Variants in SLC2A9 observed in about 807,000 individuals in gnomAD.
SLC2A9 encodes solute carrier family 2, facilitated glucose transporter member 9.
Under a neutral mutation model 50.6 loss-of-function variants are expected in SLC2A9, and 39 were observed. That is an observed-to-expected ratio of 0.77 (90% CI 0.60 to 1.01). The LOEUF is 1.01. Ranked by LOEUF, SLC2A9 falls within the 50% of genes least tolerant of loss-of-function variation. SLC2A9 has a pLI of 0.00. For synonymous variants in SLC2A9, 324 were observed against 276.9 expected, an observed-to-expected ratio of 1.17 and a Z score of -1.69; for missense variants, 686 against 677.6, an observed-to-expected ratio of 1.01 and a Z score of -0.14.
chr4:9,971,308 T>C (rs920704797), intron 5 of SLC2A9, among the ~76,000 whole-genome samples: 4 of 152,228 alleles, frequency 2.6e-5, no homozygotes, highest in Non-Finnish European at 5.9e-5. Flanking sequence ...CAAGCTGAGA[T>C]TGTCATATTA....
chr4:9,775,235 A>T (rs895999230), downstream of SLC2A9, among the ~76,000 whole-genome samples: 3 of 152,074 alleles, frequency 2.0e-5, no homozygotes, highest in Non-Finnish European at 4.4e-5. Flanking sequence ...CATGACCCTC[A>T]CTTCTCACAG....
chr4:10,023,285 A>G (rs1260483326), upstream of SLC2A9, among the ~76,000 whole-genome samples: 1 of 152,110 alleles, frequency 6.6e-6, no homozygotes, highest in African/African-American at 2.4e-5. Flanking sequence ...AGTACAGGAG[A>G]TGGGCAGAGG....
intron 5 of SLC2A9, among the ~76,000 whole-genome samples, chr4:9,945,291 A>T (rs1044932812): frequency 6.6e-6 from 1 of 152,242 alleles, no homozygotes; most frequent in Non-Finnish European, 1.5e-5. Flanking sequence ...TAAAATGGGG[A>T]CAGTGACAAC....
intron 9 of SLC2A9, among the ~76,000 whole-genome samples, chr4:9,889,533 TC>T (rs1736957816): frequency 6.6e-6 from 1 of 152,174 alleles, no homozygotes; most frequent in Admixed American, 6.5e-5. Flanking sequence ...AGGAACTGCA[TC>T]TGCCAGCACA....
intron 10 of SLC2A9, among the ~76,000 whole-genome samples, chr4:9,866,673 C>T (rs1732529979): frequency 6.6e-6 from 1 of 152,174 alleles, no homozygotes; most frequent in African/African-American, 2.4e-5. Context: ...GCCATTACTC[C>T]TCCTAAGGCA....
At chr4:9,952,415 T>C (rs1426746169) in intron 5 of SLC2A9, among the ~76,000 whole-genome samples, 1 of 152,160 alleles carries the variant, frequency 6.6e-6, no homozygotes, top group African/African-American at 2.4e-5. Flanking sequence ...GTGATGTGCC[T>C]GCTCCTGGAG....
chr4:9,977,535 C>T (rs75964023), intron 5 of SLC2A9, among the ~76,000 whole-genome samples: 9,127 of 148,274 alleles, frequency 0.062, 753 homozygotes, highest in East Asian at 0.45. Flanking sequence ...GTCTCTCCCT[C>T]TCCCTCTCCC....
chr4:9,789,991 C>T (rs562488078), intron 3 of SLC2A9, among the ~76,000 whole-genome samples: 1 of 152,334 alleles, frequency 6.6e-6, no homozygotes, highest in South Asian at 2.1e-4. Flanking sequence ...TATACATCTT[C>T]TCATGCAATC....
intron 3 of SLC2A9, among the ~76,000 whole-genome samples, chr4:9,801,180 C>T (rs1483116050): frequency 6.6e-6 from 1 of 152,088 alleles, no homozygotes; most frequent in Non-Finnish European, 1.5e-5. Flanking sequence ...AGCTGACAGG[C>T]AGTCAACCAC....
intron 3 of SLC2A9, among the ~76,000 whole-genome samples, chr4:9,813,157 T>C (rs888018297): frequency 6.6e-6 from 1 of 152,194 alleles, no homozygotes; most frequent in Non-Finnish European, 1.5e-5. Context: ...CATAGACCTA[T>C]GTTCAGCCAT....
intron 1 of SLC2A9, among the ~76,000 whole-genome samples, chr4:10,036,936 T>C (rs1016679526): frequency 1.7e-4 from 26 of 152,178 alleles, no homozygotes; most frequent in Non-Finnish European, 3.2e-4. Flanking sequence ...TTGGGCTTGC[T>C]AAGGAGCAAG....
At chr4:9,976,999 T>C (rs1216138322) in intron 5 of SLC2A9, among the ~76,000 whole-genome samples, 2 of 152,118 alleles carry the variant, frequency 1.3e-5, no homozygotes, top group African/African-American at 4.8e-5. Context: ...GGACACCACA[T>C]CCCATCACCA....
At chr4:9,853,222 G>A (rs895922662) in intron 10 of SLC2A9, among the ~76,000 whole-genome samples, 4 of 148,056 alleles carry the variant, frequency 2.7e-5, no homozygotes, top group Non-Finnish European at 5.9e-5. Context: ...TGATAAAGAA[G>A]CCAGACCCAA....
intron 5 of SLC2A9, 137 bp downstream of exon 5, chr4:9,980,455 T>C (rs2109084724): frequency 8.5e-7 from 1 of 1,173,092 alleles, no homozygotes; most frequent in Middle Eastern, 2.9e-4. Context: ...ACTCCACAAC[T>C]TTTCTCCAAT....
At chr4:10,021,627 T>C, upstream of SLC2A9, 2 of 772,204 alleles carry the variant, frequency 2.6e-6, no homozygotes, top group East Asian at 2.7e-5. Flanking sequence ...AATGAAACAG[T>C]CCAAAAAGGG....
Position 9,806,765 on chromosome 4 carries a change from C to G in SLC2A9, n.421-7524G>C, listed in dbSNP as rs1430739121. Among the ~76,000 whole-genome samples, 7 of 152,192 alleles carry G rather than the reference C, an allele frequency of 4.6e-5. No homozygotes were observed. In the South Asian group the frequency reaches 1.4e-3, roughly 32 times the overall value. On this transcript the variant is annotated intron_variant and non_coding_transcript_variant, in intron 3 of 3. Coordinates refer to the SLC2A9 transcript ENST00000503280. The stretch of plus-strand genomic sequence containing the variant: ...ACCTGGGAAACATCAGCTTTCAAAT[C>G]CCTGCATAATGTTTCTTTAGGCTGG...
At chr4:9,841,913 C>T (rs950739243) in intron 10 of SLC2A9, among the ~76,000 whole-genome samples, 2 of 152,164 alleles carry the variant, frequency 1.3e-5, no homozygotes, top group Non-Finnish European at 2.9e-5. Context: ...CACTCTGTCT[C>T]CCCCATAAAA....
chr4:9,941,755 A>G (rs1748168254), intron 6 of SLC2A9, among the ~76,000 whole-genome samples, 158 bp downstream of exon 6: 1 of 152,182 alleles, frequency 6.6e-6, no homozygotes, highest in South Asian at 2.1e-4. Context: ...TGTTGGGAAG[A>G]TGAAATGAGA....
intron 10 of SLC2A9, among the ~76,000 whole-genome samples, chr4:9,881,393 G>A (rs1415230265): frequency 6.6e-6 from 1 of 152,188 alleles, no homozygotes; most frequent in Non-Finnish European, 1.5e-5. Flanking sequence ...AGGTTCGTTT[G>A]ACATGAACTT....
Sources: allele counts gnomAD v4.1 joint callset (sites outside exome capture counted in the v4.1 genomes callset), GRCh38; gene constraint gnomAD v4.1.1; transcripts MANE v1.5; gene names NCBI Gene and HGNC (gene_info 2026-07-23, HGNC 2026-07-21).